The following OR52I2 variants were observed in gnomAD, a reference collection of about 807,000 sequenced individuals.
The protein encoded by OR52I2 is olfactory receptor 52I2.
For synonymous variants in OR52I2, 147 were observed against 151.9 expected (o/e 0.97, Z 0.24); for missense variants, 350 against 402.4 (o/e 0.87, Z 1.11).
chr11:4,586,851 A>C (rs575239969), intron 1 of OR52I2, 21 bp from the exon 2 acceptor site: 1 of 1,614,088 alleles, frequency 6.2e-7, no homozygotes, highest in South Asian at 1.1e-5. Flanking sequence ...TTCTTCTCAT[A>C]CATCATTTGT....
At chr11:4,586,765 T>G in intron 1 of OR52I2, 107 bp from the exon 2 acceptor site, 12 of 1,525,390 alleles carry the variant, frequency 7.9e-6, no homozygotes, top group Non-Finnish European at 9.9e-6. Flanking sequence ...TTTTTGATCC[T>G]GAGATTACCA....
exon 2 of OR52I2, chr11:4,593,076 C>A (rs1040443598): frequency 6.6e-6 from 1 of 152,200 alleles, no homozygotes; most frequent in African/African-American, 2.4e-5. Context: ...TGGAGAAATA[C>A]ACTCAGATTA....
At chr11:4,583,339 G>A (rs1215279057) in intron 1 of OR52I2, among the ~76,000 whole-genome samples, 1 of 152,142 alleles carries the variant, frequency 6.6e-6, no homozygotes, top group Non-Finnish European at 1.5e-5. Flanking sequence ...CTGGTGAGAG[G>A]AGGGATGAGG....
intron 1 of OR52I2, among the ~76,000 whole-genome samples, chr11:4,582,433 C>CTTTTTTTTTTTTTTTTTTTTTTTT (rs1564859030): frequency 1.3e-5 from 1 of 74,664 alleles, no homozygotes; most frequent in Non-Finnish European, 2.6e-5. Context: ...ATTTATTTTT[C>CTTTTTTTTTTTTTTTTTTTTTTTT]ATTTTTTTTT....
intron 1 of OR52I2, among the ~76,000 whole-genome samples, chr11:4,582,508 T>G (rs986919646): frequency 1.4e-5 from 2 of 147,184 alleles, no homozygotes; most frequent in Non-Finnish European, 3.0e-5. Flanking sequence ...GGCATGATCT[T>G]GGCTCACTGC....
At chr11:4,590,201 A>C (rs1846340346) in exon 2 of OR52I2, 1 of 152,200 alleles carries the variant, frequency 6.6e-6, no homozygotes, top group Non-Finnish European at 1.5e-5. Context: ...AGATTTGTGC[A>C]TTTCCCATTA....
chr11:4,585,286 A>C (rs1286371128), intron 1 of OR52I2, among the ~76,000 whole-genome samples: 2 of 152,174 alleles, frequency 1.3e-5, no homozygotes, highest in Non-Finnish European at 2.9e-5. Flanking sequence ...TCTGAAGAAA[A>C]AAACCTAGGG....
At chr11:4,587,012 T>C (rs61744242) in exon 2 of OR52I2, 75,366 of 1,607,630 alleles carry the variant, frequency 0.047, 1,021 homozygotes, top group African/African-American at 0.093. Flanking sequence ...ATGTACATCA[T>C]AGCCCTGTTA....
Position 4,587,543 on chromosome 11 carries a change from T to C in OR52I2, c.653T>C (p.Ile218Thr), listed in dbSNP as rs556122157. Residue 218 changes from isoleucine to threonine, a missense_variant, in exon 2 of 2, where the codon ATT becomes ACT. Coordinates refer to ENST00000641896, the Ensembl canonical transcript of OR52I2. ...ATGGTGGGCTCTGATGTGGCCTTCA[T>C]TGCTGCCTCCTATATCTTAATTCTC... 5.0e-6 allele frequency: 8 copies of C among 1,614,162 alleles called. No individual in the cohort carries two copies. In the African/African-American group the frequency reaches 1.1e-4, roughly 22 times the overall value.
exon 2 of OR52I2, chr11:4,592,332 G>A (rs1395124788): frequency 6.6e-6 from 1 of 152,190 alleles, no homozygotes; most frequent in Non-Finnish European, 1.5e-5. Context: ...GCAAGCGATA[G>A]AGTAGGGTTT....
At chr11:4,592,786 T>C (rs937806606) in exon 2 of OR52I2, 1 of 152,198 alleles carries the variant, frequency 6.6e-6, no homozygotes, top group African/African-American at 2.4e-5. Flanking sequence ...GGAGGGTGAA[T>C]ACATCAATAA....
intron 1 of OR52I2, among the ~76,000 whole-genome samples, chr11:4,582,261 C>A (rs1403310426): frequency 6.6e-6 from 1 of 152,006 alleles, no homozygotes; most frequent in Non-Finnish European, 1.5e-5. Flanking sequence ...AAGGGAAAGG[C>A]TCTACTCAAA....
chr11:4,584,229 C>T (rs527738953), intron 1 of OR52I2, among the ~76,000 whole-genome samples: 47 of 152,322 alleles, frequency 3.1e-4, no homozygotes, highest in African/African-American at 1.1e-3. Flanking sequence ...ACACCTAAGA[C>T]AGTTCTTGGG....
At chr11:4,587,734 G>A (rs1323364356) in exon 2 of OR52I2, 2 of 1,614,152 alleles carry the variant, frequency 1.2e-6, no homozygotes, top group Non-Finnish European at 1.7e-6. Context: ...AGTCCTGCTA[G>A]CTGACCTGTA....
exon 2 of OR52I2, chr11:4,592,665 C>T (rs985325807): frequency 6.6e-6 from 1 of 152,150 alleles, no homozygotes; most frequent in African/African-American, 2.4e-5. Context: ...AGTAACTAAA[C>T]AGCTATCACA....
chr11:4,585,336 A>T (rs1421316963), intron 1 of OR52I2, among the ~76,000 whole-genome samples: 1 of 152,204 alleles, frequency 6.6e-6, no homozygotes, highest in South Asian at 2.1e-4. Context: ...CCAAAGCTGA[A>T]TGTTACCACC....
At chr11:4,587,023 G>A (rs557100327) in exon 2 of OR52I2, 2 of 1,614,130 alleles carry the variant, frequency 1.2e-6, no homozygotes, top group East Asian at 2.2e-5. Flanking sequence ...AGCCCTGTTA[G>A]GAAACACCAT....
chr11:4,591,385 T>C (rs1453799357), exon 2 of OR52I2: 1 of 152,170 alleles, frequency 6.6e-6, no homozygotes, highest in Non-Finnish European at 1.5e-5. Flanking sequence ...TCTTGAGGCT[T>C]GGCAAATGAG....
At chr11:4,588,851 T>A (rs1846329899) in exon 2 of OR52I2, 1 of 152,230 alleles carries the variant, frequency 6.6e-6, no homozygotes, top group Admixed American at 6.5e-5. Flanking sequence ...GAGCCTCAGC[T>A]TTCATCTATA....
Sources: allele counts gnomAD v4.1 joint callset (sites outside exome capture counted in the v4.1 genomes callset), GRCh38; gene constraint gnomAD v4.1.1; transcripts MANE v1.5; gene names NCBI Gene and HGNC (gene_info 2026-07-23, HGNC 2026-07-21).